PTGIR: variants seen among roughly 807,000 people sequenced by gnomAD.
The protein encoded by PTGIR is prostaglandin I2 receptor, also known as prostacyclin receptor.
Under a neutral mutation model 17.6 loss-of-function variants are expected in PTGIR, and 16 were observed. The ratio of observed to expected loss-of-function variants is 0.91; its 90% CI spans 0.61 to 1.38. The LOEUF is 1.38. Ranked by LOEUF, PTGIR falls within the 40% of genes most tolerant of loss-of-function variation. The pLI is 0.00. For missense variants in PTGIR, 532 were observed against 548.6 expected, an observed-to-expected ratio of 0.97 and a Z score of 0.30; for synonymous variants, 274 against 255.4, an observed-to-expected ratio of 1.07 and a Z score of -0.69.
At chr19:46,613,869 C>A in the PTGIR span, among the ~76,000 whole-genome samples, 1 of 152,168 alleles carries the variant, frequency 6.6e-6, no homozygotes, top group African/African-American at 2.4e-5. Flanking sequence ...AACGCCCACG[C>A]CTTCTCCCAC....
chr19:46,623,608 G>T lies in PTGIR; in HGVS notation c.618C>A (p.Val206=). The part of the protein sequence containing the change: ...VAAIFLCNGS[V]TLSLCRMYRQ... ...GGTACATGCGGCAGAGGCTGAGGGT[G>T]ACCGAGCCGTTGCAGAGGAAGATGG... The change falls in exon 2 of 3, where the codon GTC becomes GTA. Residue 206 remains valine, a synonymous_variant. Coordinates refer to ENST00000291294, the MANE Select transcript of PTGIR (RefSeq NM_000960.4). 2 of 1,549,042 alleles carry T rather than the reference G, an allele frequency of 1.3e-6. No homozygotes were observed. The highest frequency in any genetic ancestry group is 2.4e-5 in the South Asian group (2 of 84,156).
the PTGIR span, among the ~76,000 whole-genome samples, chr19:46,612,504 G>A: frequency 1.3e-5 from 2 of 152,176 alleles, no homozygotes; most frequent in African/African-American, 4.8e-5. Flanking sequence ...CCATTTTGCT[G>A]ACCAGGAAAC....
chr19:46,624,142 C>T lies in PTGIR; in HGVS notation c.84G>A (p.Val28=). The T allele has an allele frequency of 1.3e-6, 2 of 1,529,888 alleles. No individual in the cohort carries two copies. Among genetic ancestry groups the T allele is most frequent in the South Asian group, 2.4e-5 (2 of 83,024 alleles). 94.8% of individuals were successfully genotyped at this position (1,529,888 alleles called of 1,614,324 possible). A position where few individuals can be genotyped will look rare whatever the true frequency, so the allele number is the denominator to read the frequency against. ...TGCCCAGGGCCAGCCCGTTGCCCAC[C>T]ACACCGGCCACGAACATCAGGGTGC... ...ATSTLMFVAG[V]VGNGLALGIL... The change falls in exon 2 of 3, where the codon GTG becomes GTA. Residue 28 remains valine (V), a synonymous_variant. Transcript: ENST00000291294.
downstream of PTGIR, among the ~76,000 whole-genome samples, chr19:46,618,672 A>T (rs1971997831): frequency 6.6e-6 from 1 of 152,182 alleles, no homozygotes; most frequent in African/African-American, 2.4e-5. Context: ...TATTTTAACC[A>T]TTCAAAGTTA....
At position 46,624,020 on chromosome 19, in the gene PTGIR, G is replaced by A. The variant is rs778087845; in HGVS notation, c.206C>T (p.Pro69Leu). ...TDLLGTSFLS[P>L]AVFVAYARNS... ...GCGCGCATAGGCCACGAACACGGCC[G>A]GGCTCAGGAAGCTGGTGCCCAGCAG... Residue 69 changes from proline (P) to leucine (L), a missense_variant, in exon 2 of 3, where the codon CCG becomes CTG. By Grantham distance (98) the Pro-to-Leu change is moderately conservative. Transcript: ENST00000291294. 4.5e-6 allele frequency: 7 copies of A among 1,542,504 alleles called. No homozygotes were observed. The East Asian group carries it at 9.8e-5, about 22-fold the overall frequency.
At position 46,623,746 on chromosome 19, in the gene PTGIR, T is replaced by C. The variant is rs778369696; in HGVS notation, c.480A>G (p.Gln160=). ...AGCTGCCGGGGCAGTACTGCTGGTG[T>C]TGGCCCAGGCCCAGCAGGGGCAGCG... ...FCALPLLGLG[Q]HQQYCPGSWC... The change falls in exon 2 of 3, where the codon CAA becomes CAG. Residue 160 remains glutamine, a synonymous_variant. Coordinates refer to ENST00000291294, the MANE Select transcript of PTGIR (RefSeq NM_000960.4). 6.3e-7 allele frequency: 1 copy of C among 1,598,534 alleles called. No individual in the cohort carries two copies. Among genetic ancestry groups the C allele is most frequent in the Non-Finnish European group, 8.5e-7 (1 of 1,175,604 alleles).
chr19:46,624,812 T>C (rs1282315119), intron 1 of PTGIR, 185 bp downstream of exon 1: 1 of 151,834 alleles, frequency 6.6e-6, no homozygotes, highest in Non-Finnish European at 1.5e-5. Context: ...TTTCTGCCAT[T>C]AAAGAGACAG....
chr19:46,612,354 T>G, the PTGIR span, among the ~76,000 whole-genome samples: 1 of 152,194 alleles, frequency 6.6e-6, no homozygotes, highest in Non-Finnish European at 1.5e-5. Flanking sequence ...GAGGGGGGTG[T>G]GCAGTGCTCA....
chr19:46,623,894 A>G lies in PTGIR; in HGVS notation c.332T>C (p.Phe111Ser), dbSNP rs1007443281. ...FFGLASMLIL[F>S]AMAVERCLAL... ...CAGGCAGCGCTCCACGGCCATGGCA[A>G]AGAGGATGAGCATGGACGCCAGGCC... The change falls in exon 2 of 3, where the codon TTT becomes TCT. Residue 111 changes from phenylalanine to serine, a missense_variant. Phe to Ser is a radical substitution (Grantham distance 155). Coordinates refer to ENST00000291294, the MANE Select transcript of PTGIR (RefSeq NM_000960.4). 5 of 1,610,296 alleles carry G rather than the reference A, an allele frequency of 3.1e-6. No individual in the cohort carries two copies. Among genetic ancestry groups the G allele is most frequent in the Admixed American group, 1.7e-5 (1 of 59,728 alleles).
In PTGIR at chr19:46,621,423, C is replaced by T. The variant is rs201366969; in HGVS notation, c.1018G>A (p.Val340Met). 26 of 1,610,680 alleles carry T rather than the reference C, an allele frequency of 1.6e-5. No homozygotes were observed. The highest frequency in any genetic ancestry group is 1.6e-4 in the Middle Eastern group (1 of 6,070). ...GGCACGCAGCTCCCCTCCTTTCCCA[C>T]AGGAGCAGAGGGGGCCCTTGGGTCC... ...RRDPRAPSAP[V>M]GKEGSCVPLS... Residue 340 changes from valine to methionine, a missense_variant, in exon 3 of 3, where the codon GTG (valine) becomes ATG (methionine). Transcript: ENST00000291294. The surrounding 1 kb of genome is among the most constrained non-coding windows in gnomAD (Gnocchi z 4.8).
chr19:46,623,142 C>G (rs993617731), intron 2 of PTGIR: 21 of 203,258 alleles, frequency 1.0e-4, no homozygotes, highest in Admixed American at 3.4e-4. Context: ...CCACTACGTC[C>G]GGCTACTTTT....
chr19:46,611,950 G>C, the PTGIR span, among the ~76,000 whole-genome samples: 2 of 152,358 alleles, frequency 1.3e-5, no homozygotes, highest in East Asian at 3.9e-4. Context: ...CAGAGGGCAG[G>C]GGAAGCCTGG....
downstream of PTGIR, among the ~76,000 whole-genome samples, chr19:46,616,316 G>T (rs10425518): frequency 0.18 from 25,359 of 138,014 alleles, 2,918 homozygotes; most frequent in African/African-American, 0.34. Flanking sequence ...GTGTAAGCAC[G>T]ACAGAAATGC....
chr19:46,623,543 G>A lies in PTGIR; in HGVS notation c.683C>T (p.Pro228Leu), dbSNP rs375620008. ...GTCCACCTCGTCCTCTCCGGTGCGC[G>A]GCCGTGGACCCAGAGAGCCCTGGTG... is the stretch of plus-strand genomic sequence containing the variant. Reference protein sequence around the residue: ...KRHQGSLGPRPRTGEDEVDHL... With the variant: ...KRHQGSLGPRLRTGEDEVDHL... The change falls in exon 2 of 3, where the codon CCG becomes CTG. Residue 228 changes from proline to leucine, a missense_variant. By Grantham distance (98) the Pro-to-Leu change is moderately conservative (BLOSUM62 -3). Coordinates refer to ENST00000291294, the MANE Select transcript of PTGIR (RefSeq NM_000960.4). 21 of 1,558,566 alleles carry A rather than the reference G, an allele frequency of 1.3e-5. No individual in the cohort carries two copies. The highest frequency in any genetic ancestry group is 1.6e-5 in the Non-Finnish European group (18 of 1,151,032).
At chr19:46,617,069 AAG>A (rs1971972772), downstream of PTGIR, among the ~76,000 whole-genome samples, 1 of 152,276 alleles carries the variant, frequency 6.6e-6, no homozygotes, top group Admixed American at 6.5e-5. Flanking sequence ...CAGTTCCAGG[AAG>A]AGTGAGCTCA....
At chr19:46,618,610 T>C (rs4803985), downstream of PTGIR, among the ~76,000 whole-genome samples, 19,904 of 152,236 alleles carry the variant, frequency 0.13, 1,370 homozygotes, top group South Asian at 0.21. Context: ...ACTTACTTTA[T>C]TTTTTAAATT....
Position 46,621,847 on chromosome 19 carries a change from C to G in PTGIR, c.769-175G>C. The G allele has an allele frequency of 2.9e-6, 4 of 1,382,320 alleles. No homozygotes were observed. Among genetic ancestry groups the G allele is most frequent in the Non-Finnish European group, 3.7e-6 (4 of 1,071,116 alleles). 85.6% of individuals were successfully genotyped at this position (1,382,320 alleles called of 1,614,324 possible). On this transcript the variant is annotated intron_variant, in intron 2 of 2. Transcript: ENST00000291294. This position sits in a 1 kb window ranked among gnomAD's most constrained non-coding sequence, Gnocchi z 4.8. Reference sequence around the variant, plus strand: ...CTGGGGAACACAGGGAGAGAAAGCCCCAGGAAATTGCCAGAGATGCCTAAG... The same window carrying G: ...CTGGGGAACACAGGGAGAGAAAGCCGCAGGAAATTGCCAGAGATGCCTAAG...
the PTGIR span, among the ~76,000 whole-genome samples, chr19:46,611,929 G>T: frequency 4.6e-5 from 7 of 152,266 alleles, no homozygotes; most frequent in South Asian, 2.1e-4. Flanking sequence ...CCACTCATCT[G>T]CACTTGGCCT....
Position 46,621,808 on chromosome 19 carries a change from A to C in PTGIR, c.769-136T>G. 1 of 1,428,254 alleles carries C rather than the reference A, an allele frequency of 7.0e-7. No homozygotes were observed. The highest frequency in any genetic ancestry group is 9.2e-7 in the Non-Finnish European group (1 of 1,091,204). 88.5% of individuals were successfully genotyped at this position (1,428,254 alleles called of 1,614,324 possible). On this transcript the variant is annotated intron_variant, in intron 2 of 2. Transcript: ENST00000291294. This position sits in a 1 kb window ranked among gnomAD's most constrained non-coding sequence, Gnocchi z 4.8. The stretch of plus-strand genomic sequence containing the variant: ...GGGGAAGGAGATAAGATAAAGACTA[A>C]GTAACAAATGTATCTGGGGAACACA...
Sources: allele counts gnomAD v4.1 joint callset (sites outside exome capture counted in the v4.1 genomes callset), GRCh38; gene constraint gnomAD v4.1.1; non-coding constraint Gnocchi (gnomAD v3.1); transcripts MANE v1.5; gene names NCBI Gene and HGNC (gene_info 2026-07-23, HGNC 2026-07-21).